Variants in CORIN observed in about 807,000 individuals in gnomAD.
CORIN encodes corin, serine peptidase.
In CORIN, 117 loss-of-function variants were observed where a neutral mutation model predicts 125.3. That is an observed-to-expected ratio of 0.93 (90% confidence interval 0.80 to 1.09). The LOEUF is 1.09. Ranked by LOEUF, CORIN falls within the 50% of genes least tolerant of loss-of-function variation. The probability of loss-of-function intolerance (pLI) is 0.00; values close to 1 mark genes in which losing one functional copy is unlikely to be tolerated. For synonymous variants in CORIN, 450 were observed against 466.4 expected, an observed-to-expected ratio of 0.96 and a Z score of 0.45; for missense variants, 1,253 against 1,306.7, an observed-to-expected ratio of 0.96 and a Z score of 0.63.
Position 47,603,681 on chromosome 4 carries a change from TTCA to T in CORIN, c.2541-16_2541-14del, listed in dbSNP as rs762352651. On this transcript the variant is annotated splice_polypyrimidine_tract_variant and intron_variant, in intron 19 of 21. Coordinates refer to ENST00000273857, the MANE Select transcript of CORIN (RefSeq NM_006587.4). ...AGCATTCTCTCTCCTAAAATTATAA[TTCA>T]AGAGCTATTGGCATCTTAAACTCTA... The T allele has an allele frequency of 3.0e-5, 48 of 1,607,550 alleles. No individual in the cohort carries two copies. The East Asian group carries it at 1.0e-3, about 34-fold the overall frequency.
At chr4:47,827,177 T>C (rs1732772635) in intron 1 of CORIN, among the ~76,000 whole-genome samples, 1 of 152,190 alleles carries the variant, frequency 6.6e-6, no homozygotes, top group African/African-American at 2.4e-5. Context: ...GTTTTATTTT[T>C]GCCTTACTTA....
intron 4 of CORIN, among the ~76,000 whole-genome samples, chr4:47,761,012 T>A (rs1174837176): frequency 6.6e-6 from 1 of 152,252 alleles, no homozygotes; most frequent in African/African-American, 2.4e-5. Flanking sequence ...ACAATCTTGC[T>A]CTAGATTAGG....
At chr4:47,814,896 C>A (rs1285907274) in intron 1 of CORIN, among the ~76,000 whole-genome samples, 1 of 152,126 alleles carries the variant, frequency 6.6e-6, no homozygotes, top group Non-Finnish European at 1.5e-5. Context: ...ACCAGATAGT[C>A]CTCTCCCAAA....
At chr4:47,736,321 G>A (rs1458913404) in intron 5 of CORIN, among the ~76,000 whole-genome samples, 1 of 152,132 alleles carries the variant, frequency 6.6e-6, no homozygotes, top group Non-Finnish European at 1.5e-5. Context: ...CTGGCCATGA[G>A]GTAGTAACTT....
chr4:47,812,704 C>T (rs1732114269), intron 1 of CORIN, among the ~76,000 whole-genome samples: 1 of 152,106 alleles, frequency 6.6e-6, no homozygotes, highest in Admixed American at 6.6e-5. Flanking sequence ...GAAGTCATAC[C>T]AATTCAGTCT....
At chr4:47,647,320 GCTC>G in intron 13 of CORIN, among the ~76,000 whole-genome samples, 1 of 152,288 alleles carries the variant, frequency 6.6e-6, no homozygotes, top group South Asian at 2.1e-4. Flanking sequence ...CTCCAGGGCT[GCTC>G]CTCTGCTCAC....
At chr4:47,673,257 T>C (rs1724851907) in intron 10 of CORIN, among the ~76,000 whole-genome samples, 1 of 151,674 alleles carries the variant, frequency 6.6e-6, no homozygotes. Context: ...GTGCCTATAA[T>C]CCCAGCTACT....
chr4:47,672,968 C>T (rs1724830503), intron 10 of CORIN, among the ~76,000 whole-genome samples: 1 of 151,794 alleles, frequency 6.6e-6, no homozygotes, highest in Admixed American at 6.6e-5. Flanking sequence ...CTACAGTGAC[C>T]CAGAAAAATT....
intron 2 of CORIN, among the ~76,000 whole-genome samples, chr4:47,800,183 A>G (rs1341276341): frequency 6.6e-6 from 1 of 152,138 alleles, no homozygotes; most frequent in African/African-American, 2.4e-5. Flanking sequence ...TGGTTACATT[A>G]TCTATGAATA....
At chr4:47,665,363 A>G (rs368580752) in intron 10 of CORIN, 100 bp from the exon 11 acceptor site, 1 of 827,964 alleles carries the variant, frequency 1.2e-6, no homozygotes, top group Non-Finnish European at 1.9e-6. Flanking sequence ...CTTTCTTTAG[A>G]GTAGCTAAGA....
intron 5 of CORIN, among the ~76,000 whole-genome samples, chr4:47,715,609 G>C (rs1444806979): frequency 1.3e-5 from 2 of 151,844 alleles, no homozygotes; most frequent in Admixed American, 6.6e-5. Context: ...CAAAAAAAAA[G>C]GGGGGGAGCA....
chr4:47,732,327 A>G (rs1424589999), intron 5 of CORIN, among the ~76,000 whole-genome samples: 1 of 152,122 alleles, frequency 6.6e-6, no homozygotes, highest in Non-Finnish European at 1.5e-5. Context: ...CTTCCATTGC[A>G]GGGGGCAGCC....
chr4:47,617,164 C>A (rs930320246), intron 19 of CORIN, among the ~76,000 whole-genome samples: 4 of 152,160 alleles, frequency 2.6e-5, no homozygotes, highest in Non-Finnish European at 4.4e-5. Flanking sequence ...TGTCTATTCA[C>A]AATCAGAGTA....
At chr4:47,723,321 C>T (rs764579864) in intron 5 of CORIN, among the ~76,000 whole-genome samples, 1 of 152,140 alleles carries the variant, frequency 6.6e-6, no homozygotes, top group Non-Finnish European at 1.5e-5. Flanking sequence ...AAAGATCCCA[C>T]AGAGCTATGT....
chr4:47,774,329 A>C (rs1230165284), intron 3 of CORIN, among the ~76,000 whole-genome samples: 1 of 152,156 alleles, frequency 6.6e-6, no homozygotes, highest in Non-Finnish European at 1.5e-5. Flanking sequence ...CTCAGCTGGC[A>C]GGGCAGGAGC....
chr4:47,803,760 A>T (rs946296296), intron 2 of CORIN, among the ~76,000 whole-genome samples: 4 of 152,250 alleles, frequency 2.6e-5, no homozygotes, highest in Admixed American at 2.6e-4. Flanking sequence ...ATGCTAAAAG[A>T]AAACATTGGG....
At position 47,774,000 on chromosome 4, in the gene CORIN, T is replaced by C. The variant is rs1015925259; in HGVS notation, c.410-10414A>G. Among the ~76,000 whole-genome samples the C allele has an allele frequency of 1.4e-4, 21 of 152,252 alleles. 1 individual carries two copies. The highest frequency in any genetic ancestry group is 1.1e-3 in the Admixed American group (17 of 15,302). ...TTTCATATTGTCTTTGCTTTAAATA[T>C]CTAGTTTCTACTTGATTCAAAACTA... On this transcript the variant is annotated intron_variant, in intron 3 of 21. Coordinates refer to ENST00000273857, the MANE Select transcript of CORIN (RefSeq NM_006587.4).
intron 16 of CORIN, among the ~76,000 whole-genome samples, chr4:47,626,800 A>G (rs1160661136): frequency 6.6e-6 from 1 of 152,246 alleles, no homozygotes; most frequent in African/African-American, 2.4e-5. Flanking sequence ...ATCAAAAGTA[A>G]AATAAAATGT....
At chr4:47,753,551 A>G (rs965289960) in intron 4 of CORIN, among the ~76,000 whole-genome samples, 63 of 152,054 alleles carry the variant, frequency 4.1e-4, no homozygotes, top group African/African-American at 1.5e-3. Flanking sequence ...ACCTCCCCCC[A>G]GGAATGCACT....
Sources: gnomAD v4.1 joint callset for allele counts (sites outside exome capture counted in the v4.1 genomes callset) on GRCh38, gnomAD v4.1.1 for gene constraint, MANE v1.5 for transcripts, NCBI Gene and HGNC (gene_info 2026-07-23, HGNC 2026-07-21) for gene names.